The following TSGA13 variants were observed in gnomAD, a reference collection of about 807,000 sequenced individuals.
The protein encoded by TSGA13 is testis-specific gene 13 protein.
Under a neutral mutation model 35.1 loss-of-function variants are expected in TSGA13, and 37 were observed. The ratio of observed to expected loss-of-function variants is 1.05; its 90% CI spans 0.81 to 1.39. TSGA13 has a LOEUF of 1.39. Among genes scored for constraint, TSGA13 ranks in the 40% most tolerant of loss-of-function variants. TSGA13 has a pLI of 0.00. For synonymous variants in TSGA13, 124 were observed against 121.2 expected, an observed-to-expected ratio of 1.02 and a Z score of -0.15; for missense variants, 338 against 328.5, an observed-to-expected ratio of 1.03 and a Z score of -0.22.
rs1796482653 is a variant in TSGA13, at chr7:130,679,239, GTTGGTCA to G, written c.296_302del (p.Met99ThrfsTer52). 6.2e-7 allele frequency: 1 copy of G among 1,614,046 alleles called. No homozygotes were observed. The highest frequency in any genetic ancestry group is 8.5e-7 in the Non-Finnish European group (1 of 1,180,040). On this transcript the variant is annotated frameshift_variant, in exon 5 of 8. Transcript: ENST00000356588. LOFTEE classifies it high-confidence loss of function. ...GGGTGATTGAGCAGGGAGGTGGGTT[GTTGGTCA>G]TAATCAGTAACGTCTTATCCTGGTC...
chr7:130,670,227 G>T (rs1554462761), intron 7 of TSGA13, among the ~76,000 whole-genome samples: 2 of 152,200 alleles, frequency 1.3e-5, no homozygotes, highest in African/African-American at 2.4e-5. Context: ...GGATGTGGTG[G>T]CAGATAGGTA....
chr7:130,677,948 A>T (rs1391594606), intron 5 of TSGA13, among the ~76,000 whole-genome samples: 1 of 152,128 alleles, frequency 6.6e-6, no homozygotes, highest in Non-Finnish European at 1.5e-5. Context: ...TTCTCCTATT[A>T]GATTCCAAGT....
intron 5 of TSGA13, among the ~76,000 whole-genome samples, chr7:130,675,674 C>T (rs575466741): frequency 2.0e-5 from 3 of 152,184 alleles, no homozygotes; most frequent in South Asian, 4.1e-4. Flanking sequence ...TGAGCCACTG[C>T]GCCAGGCCGG....
intron 5 of TSGA13, among the ~76,000 whole-genome samples, chr7:130,674,863 A>G (rs939386490): frequency 7.9e-5 from 12 of 152,196 alleles, no homozygotes; most frequent in African/African-American, 1.7e-4. Context: ...TGCAAAAGTA[A>G]TTGCAGTTTT....
chr7:130,680,632 G>A (rs1796522943), intron 4 of TSGA13, among the ~76,000 whole-genome samples: 1 of 152,090 alleles, frequency 6.6e-6, no homozygotes, highest in Admixed American at 6.6e-5. Flanking sequence ...GGGTTGGGGG[G>A]AAGGAAGTGA....
At position 130,678,787 on chromosome 7, in the gene TSGA13, C is replaced by T. The variant is rs557755597; in HGVS notation, c.387+368G>A. 1.3e-4 allele frequency among the ~76,000 whole-genome samples: 20 copies of T among 152,068 alleles called. No individual in the cohort carries two copies. In the South Asian group the frequency reaches 1.5e-3, roughly 11 times the overall value. On this transcript the variant is annotated intron_variant, in intron 5 of 7. Transcript: ENST00000356588. ...CTATAATCCCAGCACTTTGGGAGGC[C>T]GAGGCTGGAGAATCACTTGAGGCCA... is the stretch of plus-strand genomic sequence containing the variant.
chr7:130,671,708 G>A lies in TSGA13; in HGVS notation c.611C>T (p.Pro204Leu), dbSNP rs1554462986. The A allele has an allele frequency of 2.5e-6, 4 of 1,609,748 alleles. No homozygotes were observed. The South Asian group carries it at 4.4e-5, about 18-fold the overall frequency. The change falls in exon 7 of 8, where the codon CCT becomes CTT. Residue 204 changes from proline to leucine, a missense_variant. By Grantham distance (98) the Pro-to-Leu change is moderately conservative (BLOSUM62 -3). Transcript: ENST00000356588. ...YALRTQKKMY[P>L]QLTFAPVHER... ...ATGGACTGGAGCAAAGGTGAGCTGA[G>A]GGTACATTTTCTTCTGTGTCCTCAA...
rs1365903973 is a variant in TSGA13, at chr7:130,680,870, G to T, written c.174+76C>A. 3.0e-5 allele frequency: 41 copies of T among 1,344,786 alleles called. No individual in the cohort carries two copies. The African/African-American group carries it at 5.6e-4, about 18-fold the overall frequency. The allele number at this position is 1,344,786 out of a possible 1,614,324, so 83.3% of individuals were successfully genotyped here. A position where few individuals can be genotyped will look rare whatever the true frequency, so the allele number is the denominator to read the frequency against. ...GCTGGGGACACTTGGAGGCATTAGG[G>T]ACACTCGCAGTGGGCATCTGCACCA... On this transcript the variant is annotated intron_variant, in intron 4 of 7. Coordinates refer to ENST00000356588, the MANE Select transcript of TSGA13 (RefSeq NM_052933.4).
At chr7:130,674,169 C>CTTTTTTTTTTTTTTTTTTTTTTTTTTT (rs1162370815) in intron 5 of TSGA13, among the ~76,000 whole-genome samples, 34 of 98,410 alleles carry the variant, frequency 3.5e-4, no homozygotes, top group East Asian at 7.1e-4. Flanking sequence ...TTCTTTTTTT[C>CTTTTTTTTTTTTTTTTTTTTTTTTTTT]TTTTTTTTTT....
chr7:130,683,683 G>A lies in TSGA13; in HGVS notation c.24-11C>T, dbSNP rs782781551. The A allele has an allele frequency of 1.4e-5, 23 of 1,613,188 alleles. No homozygotes were observed. Among genetic ancestry groups the A allele is most frequent in the Non-Finnish European group, 2.0e-5 (23 of 1,179,476 alleles). The stretch of plus-strand genomic sequence containing the variant: ...TTGCCATTTTGAAACCTGAAAAAGA[G>A]GCAGAACATCCGGTTGCACTTTCTG... On this transcript the variant is annotated splice_polypyrimidine_tract_variant and intron_variant, in intron 2 of 7. Transcript: ENST00000356588.
chr7:130,680,566 G>A (rs965837889), intron 4 of TSGA13, among the ~76,000 whole-genome samples: 7 of 151,950 alleles, frequency 4.6e-5, no homozygotes, highest in Non-Finnish European at 8.8e-5. Context: ...TAAGGTGTGG[G>A]TGAGGAAGGG....
Position 130,680,876 on chromosome 7 carries a change from C to G in TSGA13, c.174+70G>C, listed in dbSNP as rs538106908. The G allele has an allele frequency of 2.9e-6, 4 of 1,396,554 alleles. No homozygotes were observed. The African/African-American group carries it at 5.7e-5, about 20-fold the overall frequency. The allele number at this position is 1,396,554 out of a possible 1,614,324, so 86.5% of individuals were successfully genotyped here. A position where few individuals can be genotyped will look rare whatever the true frequency, so the allele number is the denominator to read the frequency against. On this transcript the variant is annotated intron_variant, in intron 4 of 7. Coordinates refer to ENST00000356588, the MANE Select transcript of TSGA13 (RefSeq NM_052933.4). ...GACACTTGGAGGCATTAGGGACACTCGCAGTGGGCATCTGCACCACTGCTG... is the reference window on the plus strand; with the variant it reads ...GACACTTGGAGGCATTAGGGACACTGGCAGTGGGCATCTGCACCACTGCTG...
intron 7 of TSGA13, among the ~76,000 whole-genome samples, chr7:130,669,925 T>C (rs536799189): frequency 3.7e-4 from 57 of 152,320 alleles, no homozygotes; most frequent in African/African-American, 1.3e-3. Context: ...GGAAACATCC[T>C]CTTCCTCTTC....
chr7:130,670,282 T>G (rs1349128787), intron 7 of TSGA13, among the ~76,000 whole-genome samples: 1 of 152,116 alleles, frequency 6.6e-6, no homozygotes, highest in African/African-American at 2.4e-5. Context: ...AGGGATGGTA[T>G]AATATGACCC....
intron 7 of TSGA13, 145 bp from the exon 8 acceptor site, chr7:130,669,328 C>A: frequency 1.2e-6 from 1 of 864,084 alleles, no homozygotes; most frequent in East Asian, 2.8e-5. Flanking sequence ...AATACCATTC[C>A]CAACCTATTT....
chr7:130,683,309 T>G (rs1796590015), intron 3 of TSGA13, among the ~76,000 whole-genome samples: 1 of 152,134 alleles, frequency 6.6e-6, no homozygotes, highest in Non-Finnish European at 1.5e-5. Context: ...CTACAAGAGG[T>G]AGTTGTAAAG....
At chr7:130,674,065 A>C (rs571064326) in intron 5 of TSGA13, among the ~76,000 whole-genome samples, 1 of 151,820 alleles carries the variant, frequency 6.6e-6, no homozygotes, top group South Asian at 2.1e-4. Context: ...ACTGCATTCC[A>C]GCTTGGGCAA....
At chr7:130,676,385 C>T (rs1328963266) in intron 5 of TSGA13, among the ~76,000 whole-genome samples, 1 of 152,192 alleles carries the variant, frequency 6.6e-6, no homozygotes, top group Non-Finnish European at 1.5e-5. Context: ...TGATTAGATT[C>T]TGCACCTGAA....
Position 130,679,140 on chromosome 7 carries a change from G to C in TSGA13, c.387+15C>G, listed in dbSNP as rs782421370. 21 of 1,606,722 alleles carry C rather than the reference G, an allele frequency of 1.3e-5. No individual in the cohort carries two copies. Among genetic ancestry groups the C allele is most frequent in the South Asian group, 8.8e-5 (8 of 90,670 alleles). On this transcript the variant is annotated intron_variant, in intron 5 of 7. Coordinates refer to ENST00000356588, the MANE Select transcript of TSGA13 (RefSeq NM_052933.4). Reference sequence around the variant, plus strand: ...TCAGGGTTCACATTTTGGGTGCCAGGAGACTTCTGCTTACCATGACCTTGA... The same window carrying C: ...TCAGGGTTCACATTTTGGGTGCCAGCAGACTTCTGCTTACCATGACCTTGA...
Sources: allele counts gnomAD v4.1 joint callset (sites outside exome capture counted in the v4.1 genomes callset), GRCh38; gene constraint gnomAD v4.1.1; transcripts MANE v1.5; gene names NCBI Gene and HGNC (gene_info 2026-07-23, HGNC 2026-07-21).